Variants in ARFIP1 observed in about 807,000 individuals in gnomAD.
ARFIP1 encodes arfaptin-1.
A neutral mutation model predicts 42.5 loss-of-function variants in ARFIP1; 24 were observed. The ratio of observed to expected loss-of-function variants is 0.57; its 90% CI spans 0.41 to 0.80. The LOEUF is 0.80. Among genes scored for constraint, ARFIP1 ranks in the 30% least tolerant of loss-of-function variants. ARFIP1 has a pLI of 0.00. For synonymous variants in ARFIP1, 141 were observed against 153.7 expected, an observed-to-expected ratio of 0.92 and a Z score of 0.61; for missense variants, 354 against 434.0, an observed-to-expected ratio of 0.82 and a Z score of 1.64.
chr4:152,862,687 A>C (rs55849639), intron 2 of ARFIP1, among the ~76,000 whole-genome samples: 4,087 of 152,312 alleles, frequency 0.027, 98 homozygotes, highest in South Asian at 0.11. Context: ...ATGAAAATTT[A>C]ATAAAGGTAA....
intron 8 of ARFIP1, among the ~76,000 whole-genome samples, chr4:152,903,077 A>T: frequency 6.6e-6 from 1 of 152,306 alleles, no homozygotes; most frequent in South Asian, 2.1e-4. Flanking sequence ...ATTTCAATGT[A>T]TTTAATAACC....
intron 2 of ARFIP1, among the ~76,000 whole-genome samples, chr4:152,830,194 G>A (rs1051608519): frequency 1.3e-5 from 2 of 152,042 alleles, no homozygotes; most frequent in Non-Finnish European, 2.9e-5. Context: ...TCTCTCAGTC[G>A]AAATTTAATT....
At chr4:152,854,312 C>T (rs111526881) in intron 2 of ARFIP1, among the ~76,000 whole-genome samples, 116 of 152,226 alleles carry the variant, frequency 7.6e-4, no homozygotes, top group African/African-American at 2.3e-3. Context: ...CCAGAATTTC[C>T]GTTTGGTTCT....
intron 1 of ARFIP1, among the ~76,000 whole-genome samples, chr4:152,823,786 A>T (rs944924491): frequency 8.1e-5 from 12 of 148,764 alleles, no homozygotes; most frequent in African/African-American, 3.0e-4. Context: ...CAAAAAAAAA[A>T]AAAAAAAAAA....
chr4:152,902,298 T>C (rs558528419), intron 8 of ARFIP1, among the ~76,000 whole-genome samples: 1 of 152,196 alleles, frequency 6.6e-6, no homozygotes, highest in Non-Finnish European at 1.5e-5. Context: ...GGCCAAGAGT[T>C]TGAGACCAGC....
At chr4:152,786,377 C>T (rs1347258647) in intron 1 of ARFIP1, among the ~76,000 whole-genome samples, 1 of 152,114 alleles carries the variant, frequency 6.6e-6, no homozygotes, top group Non-Finnish European at 1.5e-5. Context: ...TTCTTTGTTC[C>T]TTTTTTCAGT....
chr4:152,783,509 A>G (rs980170192), intron 1 of ARFIP1, among the ~76,000 whole-genome samples: 2 of 152,238 alleles, frequency 1.3e-5, no homozygotes, highest in Admixed American at 1.3e-4. Context: ...CTGTAGGTGA[A>G]GAAAATAAAG....
At chr4:152,867,448 A>G (rs972378819) in intron 3 of ARFIP1, among the ~76,000 whole-genome samples, 15 of 152,140 alleles carry the variant, frequency 9.9e-5, no homozygotes, top group Non-Finnish European at 1.6e-4. Context: ...TGGCAGCAGT[A>G]TAGTCCAGCT....
At chr4:152,824,974 TACATACACACAC>T (rs1730706208) in intron 1 of ARFIP1, among the ~76,000 whole-genome samples, 1 of 150,254 alleles carries the variant, frequency 6.7e-6, no homozygotes, top group South Asian at 2.1e-4. Flanking sequence ...ACACCACACA[TACATACACACAC>T]ACACACATAC....
At chr4:152,867,959 GAGAA>G (rs1244283765) in intron 3 of ARFIP1, among the ~76,000 whole-genome samples, 1 of 152,170 alleles carries the variant, frequency 6.6e-6, no homozygotes, top group African/African-American at 2.4e-5. Context: ...GAATGAACAT[GAGAA>G]AGAATAACAT....
rs372527270 is a variant in ARFIP1 at position 152,825,450 on chromosome 4, GAC to G, written c.-9-4170_-9-4169del. ...GCATACAAAAGCAGAGTGGGGAAAG[GAC>G]ACACTATTCAATAAATGGTGCTGAG... On this transcript the variant is annotated intron_variant, in intron 1 of 8. Transcript: ENST00000353617. 1.8e-3 allele frequency among the ~76,000 whole-genome samples: 270 copies of G among 152,274 alleles called. 2 individuals are homozygous for G. Among genetic ancestry groups the G allele is most frequent in the African/African-American group, 6.0e-3 (250 of 41,548 alleles).
intron 2 of ARFIP1, among the ~76,000 whole-genome samples, chr4:152,840,074 A>G (rs1731941207): frequency 6.6e-6 from 1 of 152,132 alleles, no homozygotes; most frequent in African/African-American, 2.4e-5. Flanking sequence ...TTCCTTTTGG[A>G]GTTGATATCC....
chr4:152,789,577 C>T (rs74617176), intron 1 of ARFIP1, among the ~76,000 whole-genome samples: 185 of 152,138 alleles, frequency 1.2e-3, no homozygotes, highest in African/African-American at 4.2e-3. Context: ...TATGCTTTAC[C>T]TCTTTAAGGG....
At chr4:152,838,817 T>A (rs537263229) in intron 2 of ARFIP1, among the ~76,000 whole-genome samples, 1 of 152,242 alleles carries the variant, frequency 6.6e-6, no homozygotes, top group Admixed American at 6.5e-5. Context: ...CAGTACTATG[T>A]TGAAGAGGAG....
intron 8 of ARFIP1, among the ~76,000 whole-genome samples, chr4:152,909,347 T>A (rs1204904949): frequency 3.9e-5 from 6 of 152,210 alleles, no homozygotes; most frequent in Admixed American, 2.6e-4. Flanking sequence ...ATTGTGCCAC[T>A]GCATAACAGC....
intron 1 of ARFIP1, chr4:152,810,398 T>C (rs1176482792): frequency 1.3e-5 from 2 of 152,196 alleles, no homozygotes. Context: ...AACTTAGTAG[T>C]TCCTAAATAT....
At chr4:152,844,285 G>A (rs1450142618) in intron 2 of ARFIP1, among the ~76,000 whole-genome samples, 5 of 152,152 alleles carry the variant, frequency 3.3e-5, no homozygotes, top group East Asian at 3.8e-4. Flanking sequence ...TGGGTCCTCC[G>A]GGAGCAGTCC....
At chr4:152,874,396 G>A (rs1330071178) in intron 5 of ARFIP1, among the ~76,000 whole-genome samples, 1 of 151,958 alleles carries the variant, frequency 6.6e-6, no homozygotes, top group Non-Finnish European at 1.5e-5. Context: ...TTTTAATCTA[G>A]GTCAAAAAAG....
chr4:152,896,409 T>TA, intron 8 of ARFIP1, among the ~76,000 whole-genome samples: 4 of 152,304 alleles, frequency 2.6e-5, no homozygotes, highest in African/African-American at 9.6e-5. Context: ...GTGAAATACT[T>TA]TGCAGCTATT....
Sources: gnomAD v4.1 joint callset for allele counts (sites outside exome capture counted in the v4.1 genomes callset) on GRCh38, gnomAD v4.1.1 for gene constraint, MANE v1.5 for transcripts, NCBI Gene and HGNC (gene_info 2026-07-23, HGNC 2026-07-21) for gene names.